The following UNC5D variants were observed in gnomAD, a reference collection of about 807,000 sequenced individuals.
UNC5D encodes the protein netrin receptor UNC5D.
Under a neutral mutation model 105.4 loss-of-function variants are expected in UNC5D, and 39 were observed. The observed-to-expected ratio is 0.37, with a 90% CI of 0.29 to 0.48. The LOEUF (loss-of-function observed/expected upper bound fraction) is 0.48, where lower values mean the gene tolerates loss of function less well. Among genes scored for constraint, UNC5D ranks in the 20% least tolerant of loss-of-function variants. UNC5D has a pLI of 0.98. For synonymous variants in UNC5D, 452 were observed against 450.4 expected (o/e 1.00, Z -0.04); for missense variants, 991 against 1,202.4 (o/e 0.82, Z 2.60).
chr8:35,330,591 C>T (rs1228126545), intron 1 of UNC5D, among the ~76,000 whole-genome samples: 13 of 152,162 alleles, frequency 8.5e-5, no homozygotes, highest in African/African-American at 1.7e-4. Context: ...AATCTAGATA[C>T]GTTTTTGCAG....
chr8:35,602,377 C>A (rs573286501), intron 4 of UNC5D, among the ~76,000 whole-genome samples: 1 of 152,152 alleles, frequency 6.6e-6, no homozygotes, highest in East Asian at 1.9e-4. Context: ...AGGAATGGGA[C>A]CAGCTCCTCC....
intron 4 of UNC5D, among the ~76,000 whole-genome samples, chr8:35,661,164 C>T (rs1033056637): frequency 1.6e-4 from 25 of 151,696 alleles, no homozygotes; most frequent in Non-Finnish European, 2.9e-4. Context: ...TTAAATGCTG[C>T]AAGAACAGTG....
At chr8:35,751,794 T>C (rs1371410721) in intron 13 of UNC5D, among the ~76,000 whole-genome samples, 1 of 152,186 alleles carries the variant, frequency 6.6e-6, no homozygotes, top group African/African-American at 2.4e-5. Flanking sequence ...TGCTAAATTA[T>C]GCAACTGACC....
intron 1 of UNC5D, among the ~76,000 whole-genome samples, chr8:35,424,243 T>C (rs2128968820): frequency 6.6e-6 from 1 of 152,320 alleles, no homozygotes; most frequent in Admixed American, 6.5e-5. Context: ...AAGCCACATA[T>C]ATACTTTTAA....
intron 1 of UNC5D, among the ~76,000 whole-genome samples, chr8:35,418,689 G>A (rs1316338282): frequency 6.6e-6 from 1 of 152,142 alleles, no homozygotes; most frequent in Non-Finnish European, 1.5e-5. Flanking sequence ...CCACCCCATG[G>A]CCACTTCATA....
intron 1 of UNC5D, among the ~76,000 whole-genome samples, chr8:35,336,058 C>T (rs879647787): frequency 2.0e-5 from 3 of 151,976 alleles, no homozygotes; most frequent in Admixed American, 6.5e-5. Flanking sequence ...CCACCGCGCC[C>T]GGCCGAGAGA....
intron 4 of UNC5D, among the ~76,000 whole-genome samples, chr8:35,663,389 C>T (rs1203208523): frequency 6.6e-6 from 1 of 152,208 alleles, no homozygotes; most frequent in Non-Finnish European, 1.5e-5. Flanking sequence ...TTCTGCTGGT[C>T]TTAAACACTG....
At chr8:35,752,739 C>T (rs1345188016) in intron 13 of UNC5D, among the ~76,000 whole-genome samples, 1 of 152,156 alleles carries the variant, frequency 6.6e-6, no homozygotes, top group Non-Finnish European at 1.5e-5. Flanking sequence ...ATAGAGGGTT[C>T]ATCTTGGGGT....
intron 4 of UNC5D, among the ~76,000 whole-genome samples, chr8:35,608,592 A>C (rs1820467085): frequency 1.3e-5 from 2 of 152,130 alleles, no homozygotes; most frequent in South Asian, 4.2e-4. Context: ...TCTACACTCT[A>C]TGTCCCCCTC....
intron 3 of UNC5D, among the ~76,000 whole-genome samples, chr8:35,589,888 T>TTCATAG (rs1291421221): frequency 6.6e-6 from 1 of 152,188 alleles, no homozygotes; most frequent in African/African-American, 2.4e-5. Flanking sequence ...ACTTTTGAAG[T>TTCATAG]AACACATTAC....
intron 4 of UNC5D, among the ~76,000 whole-genome samples, chr8:35,651,844 C>T (rs1409137888): frequency 6.6e-6 from 1 of 152,144 alleles, no homozygotes; most frequent in Non-Finnish European, 1.5e-5. Context: ...AGTTCATGCT[C>T]ACTGCTGTTT....
At position 35,790,254 on chromosome 8, in the gene UNC5D, A is replaced by G. The variant is rs911409026; in HGVS notation, c.2658-105A>G. On this transcript the variant is annotated intron_variant, in intron 16 of 16. Transcript: ENST00000404895. Reference sequence around the variant, plus strand: ...ACTATAGCTTTTTATCCCTACTATAATAACATCTATTAAAATTCATTTTTA... The same window carrying G: ...ACTATAGCTTTTTATCCCTACTATAGTAACATCTATTAAAATTCATTTTTA... 5.1e-5 allele frequency: 63 copies of G among 1,243,384 alleles called. No homozygotes were observed. The East Asian group carries it at 1.3e-3, about 26-fold the overall frequency. The allele number at this position is 1,243,384 out of a possible 1,614,324, so 77.0% of individuals were successfully genotyped here.
intron 1 of UNC5D, among the ~76,000 whole-genome samples, chr8:35,348,427 T>C (rs1811960489): frequency 1.3e-5 from 2 of 151,884 alleles, no homozygotes; most frequent in Admixed American, 6.6e-5. Flanking sequence ...AGGTGGATAT[T>C]CTGAATATTA....
chr8:35,518,261 C>G (rs993879805), intron 1 of UNC5D, among the ~76,000 whole-genome samples: 2 of 152,158 alleles, frequency 1.3e-5, no homozygotes, highest in African/African-American at 4.8e-5. Context: ...TTTCACACCT[C>G]TTTCCACTTT....
intron 11 of UNC5D, among the ~76,000 whole-genome samples, chr8:35,736,473 G>A (rs1829474878): frequency 6.6e-6 from 1 of 152,088 alleles, no homozygotes; most frequent in African/African-American, 2.4e-5. Flanking sequence ...TGTCTTCAAG[G>A]GACCCTGCTA....
intron 1 of UNC5D, among the ~76,000 whole-genome samples, chr8:35,349,998 G>A (rs1414288277): frequency 6.6e-6 from 1 of 151,920 alleles, no homozygotes; most frequent in Non-Finnish European, 1.5e-5. Flanking sequence ...TGCAATATCA[G>A]TGTAGTGAAA....
chr8:35,260,567 G>A (rs527303121), intron 1 of UNC5D, among the ~76,000 whole-genome samples: 3 of 152,222 alleles, frequency 2.0e-5, no homozygotes, highest in African/African-American at 2.4e-5. Context: ...GGGTTCAAGC[G>A]ATTCTCCAGC....
rs1285827011 is a variant in UNC5D, at chr8:35,320,102, G to T, written c.103+84215G>T. Among the ~76,000 whole-genome samples the T allele has an allele frequency of 2.0e-5, 3 of 152,238 alleles. No homozygotes were observed. In the East Asian group the frequency reaches 5.8e-4, roughly 29 times the overall value. On this transcript the variant is annotated intron_variant, in intron 1 of 16. Transcript: ENST00000404895. ...ATCCTGAGAACATGTGCCCAAGGTGGTTGGGGTAGAGCTTTGTTTTACACA... is the reference window on the plus strand; with the variant it reads ...ATCCTGAGAACATGTGCCCAAGGTGTTTGGGGTAGAGCTTTGTTTTACACA...
At chr8:35,446,764 T>A (rs1807823155) in intron 1 of UNC5D, among the ~76,000 whole-genome samples, 1 of 152,104 alleles carries the variant, frequency 6.6e-6, no homozygotes. Context: ...ATCCAGTTTG[T>A]TGCCCATACC....
Sources: allele counts gnomAD v4.1 joint callset (sites outside exome capture counted in the v4.1 genomes callset), GRCh38; gene constraint gnomAD v4.1.1; transcripts MANE v1.5; gene names NCBI Gene and HGNC (gene_info 2026-07-23, HGNC 2026-07-21).